The following AGAP1 variants were observed in gnomAD, a reference collection of about 807,000 sequenced individuals.
The protein encoded by AGAP1 is ArfGAP with GTPase domain, ankyrin repeat and PH domain 1, also known as arf-GAP with GTPase, ANK repeat and PH domain-containing protein 1.
AGAP1 carries 29 observed loss-of-function variants against 105.3 expected under a neutral mutation model. The observed-to-expected ratio is 0.28, with a 90% confidence interval of 0.21 to 0.38. The LOEUF is 0.38. Among genes scored for constraint, AGAP1 ranks in the 10% least tolerant of loss-of-function variants. The pLI is 1.00. For synonymous variants in AGAP1, 509 were observed against 485.9 expected (o/e 1.05, Z -0.63); for missense variants, 998 against 1,165.1 (o/e 0.86, Z 2.09).
chr2:235,567,021 G>T (rs1944368992), intron 1 of AGAP1, among the ~76,000 whole-genome samples: 1 of 152,142 alleles, frequency 6.6e-6, no homozygotes, highest in Non-Finnish European at 1.5e-5. Flanking sequence ...CCTCTTCCCG[G>T]CATGTGTCTT....
intron 8 of AGAP1, among the ~76,000 whole-genome samples, chr2:235,805,528 C>T (rs1575513738): frequency 6.6e-6 from 1 of 152,148 alleles, no homozygotes; most frequent in East Asian, 1.9e-4. Flanking sequence ...CCAAAGTACT[C>T]TTAAATATTT....
intron 1 of AGAP1, among the ~76,000 whole-genome samples, chr2:235,498,969 G>T (rs1488418047): frequency 1.3e-5 from 2 of 152,204 alleles, no homozygotes; most frequent in African/African-American, 2.4e-5. Context: ...ATGGGTCAGG[G>T]TTCCCCACTT....
At chr2:235,636,120 TA>T (rs1469334557) in intron 1 of AGAP1, among the ~76,000 whole-genome samples, 3 of 112,096 alleles carry the variant, frequency 2.7e-5, no homozygotes, top group Non-Finnish European at 5.9e-5. Context: ...TCTCAGTAAA[TA>T]AATAAATAAA....
At chr2:235,656,627 C>G (rs997563182) in intron 1 of AGAP1, among the ~76,000 whole-genome samples, 7 of 152,148 alleles carry the variant, frequency 4.6e-5, no homozygotes, top group Non-Finnish European at 1.0e-4. Context: ...CCTGTGCGGT[C>G]TAACCCTAGC....
At position 235,874,529 on chromosome 2, in the gene AGAP1, G is replaced by A. The variant is rs977482417; in HGVS notation, c.1051-8816G>A. Among the ~76,000 whole-genome samples, 2 of 152,214 alleles carry A rather than the reference G, an allele frequency of 1.3e-5. No homozygotes were observed. The highest frequency in any genetic ancestry group is 1.9e-4 in the East Asian group (1 of 5,182). On this transcript the variant is annotated intron_variant, in intron 9 of 17. Coordinates refer to ENST00000304032, the MANE Select transcript of AGAP1 (RefSeq NM_001037131.3). This position sits in a 1 kb window ranked among gnomAD's most constrained non-coding sequence, Gnocchi z 4.5. ...GTGCTTTCACCTAGGCAGAGCAACC[G>A]AAGTGCACTTTGCAGGGAGCTAAGA...
At chr2:236,094,291 T>C (rs946403832) in intron 16 of AGAP1, among the ~76,000 whole-genome samples, 20 of 139,504 alleles carry the variant, frequency 1.4e-4, no homozygotes, top group African/African-American at 5.2e-4. Flanking sequence ...TCTATATCTT[T>C]AAAAAAAAAA....
intron 16 of AGAP1, among the ~76,000 whole-genome samples, chr2:236,116,366 T>G (rs945701210): frequency 2.0e-4 from 30 of 150,532 alleles, no homozygotes; most frequent in African/African-American, 6.3e-4. Flanking sequence ...TCTTTTTTTT[T>G]TGAGAGAGAG....
intron 9 of AGAP1, among the ~76,000 whole-genome samples, chr2:235,812,490 G>T (rs1958203385): frequency 6.6e-6 from 1 of 152,194 alleles, no homozygotes; most frequent in South Asian, 2.1e-4. Flanking sequence ...CTGGTACCTG[G>T]GATCAACACG....
intron 12 of AGAP1, among the ~76,000 whole-genome samples, chr2:235,956,471 A>G (rs2053954703): frequency 6.6e-6 from 1 of 152,130 alleles, no homozygotes; most frequent in Non-Finnish European, 1.5e-5. Context: ...CATCCCTTCA[A>G]ACTGGATGAT....
At position 235,625,670 on chromosome 2, in the gene AGAP1, C is replaced by G. The variant is rs538720080; in HGVS notation, c.164-83509C>G. ...GATCTTTGTGCAACTTTTCTAAATACAGAGTTGGTTGTGACATATTCAGCT... is the reference window on the plus strand; with the variant it reads ...GATCTTTGTGCAACTTTTCTAAATAGAGAGTTGGTTGTGACATATTCAGCT... On this transcript the variant is annotated intron_variant, in intron 1 of 17. Transcript: ENST00000304032. This position sits in a 1 kb window ranked among gnomAD's most constrained non-coding sequence, Gnocchi z 4.0. Among the ~76,000 whole-genome samples, 1 of 152,166 alleles carries G rather than the reference C, an allele frequency of 6.6e-6. No homozygotes were observed. Among genetic ancestry groups the G allele is most frequent in the South Asian group, 2.1e-4 (1 of 4,820 alleles).
chr2:235,549,071 C>T lies in AGAP1; in HGVS notation c.163+54222C>T, dbSNP rs1574825966. Among the ~76,000 whole-genome samples the T allele has an allele frequency of 6.6e-6, 1 of 152,172 alleles. No homozygotes were observed. The highest frequency in any genetic ancestry group is 1.5e-5 in the Non-Finnish European group (1 of 68,034). On this transcript the variant is annotated intron_variant, in intron 1 of 17. Coordinates refer to ENST00000304032, the MANE Select transcript of AGAP1 (RefSeq NM_001037131.3). This position sits in a 1 kb window ranked among gnomAD's most constrained non-coding sequence, Gnocchi z 4.2. ...TTGTGCAGAAACTGGGACCTGCTCT[C>T]CTTGTAGAGACACAACCCCAGGGTA...
At chr2:235,695,762 C>G (rs1048321249) in intron 1 of AGAP1, among the ~76,000 whole-genome samples, 1 of 152,172 alleles carries the variant, frequency 6.6e-6, no homozygotes, top group South Asian at 2.1e-4. Context: ...ACAAAGAAAC[C>G]ATGCGTATTC....
Position 235,720,711 on chromosome 2 carries a change from G to A in AGAP1, c.310+3067G>A. 1 of 985,234 alleles carries A rather than the reference G, an allele frequency of 1.0e-6. No homozygotes were observed. The highest frequency in any genetic ancestry group is 1.2e-6 in the Non-Finnish European group (1 of 829,782). The allele number at this position is 985,234 out of a possible 1,614,324, so 61.0% of individuals were successfully genotyped here. A position where few individuals can be genotyped will look rare whatever the true frequency, so the allele number is the denominator to read the frequency against. ...GTGCCCTGTTCTTCTGATTTAATTA[G>A]TGCGTGAGTATCCTTTATGTCATAA... is the stretch of plus-strand genomic sequence containing the variant. On this transcript the variant is annotated intron_variant, in intron 3 of 17. Transcript: ENST00000304032. The surrounding 1 kb of genome is among the most constrained non-coding windows in gnomAD (Gnocchi z 5.0).
intron 9 of AGAP1, among the ~76,000 whole-genome samples, chr2:235,812,773 G>T (rs886632007): frequency 1.3e-5 from 2 of 152,228 alleles, no homozygotes; most frequent in Non-Finnish European, 2.9e-5. Flanking sequence ...TTTACAGGAG[G>T]ACGGCTCACG....
At position 235,635,582 on chromosome 2, in the gene AGAP1, G is replaced by A. The variant is rs1450493048; in HGVS notation, c.164-73597G>A. Reference sequence around the variant, plus strand: ...AAGACAGAAGAAAGAACGCACTTTGGTTTTCTTTTGGAAACCTAGAGCAAC... The same window carrying A: ...AAGACAGAAGAAAGAACGCACTTTGATTTTCTTTTGGAAACCTAGAGCAAC... On this transcript the variant is annotated intron_variant, in intron 1 of 17. Transcript: ENST00000304032. This position sits in a 1 kb window ranked among gnomAD's most constrained non-coding sequence, Gnocchi z 5.3. Among the ~76,000 whole-genome samples, 2 of 152,024 alleles carry A rather than the reference G, an allele frequency of 1.3e-5. No homozygotes were observed. The highest frequency in any genetic ancestry group is 2.9e-5 in the Non-Finnish European group (2 of 68,022).
In AGAP1 at chr2:235,645,744, G is replaced by A. The variant is rs551819975; in HGVS notation, c.164-63435G>A. ...GAGTGTCCAGGGGAAGGAGAAAACC[G>A]GCACAGAAACAACTAGCCAGTCTCT... On this transcript the variant is annotated intron_variant, in intron 1 of 17. Transcript: ENST00000304032. Among the ~76,000 whole-genome samples the A allele has an allele frequency of 3.0e-3, 463 of 152,236 alleles. 2 individuals carry two copies. Among genetic ancestry groups the A allele is most frequent in the Non-Finnish European group, 5.7e-3 (389 of 68,010 alleles).
rs1003208197 is a variant in AGAP1 at position 235,514,162 on chromosome 2, G to GCGCACACA, written c.163+19314_163+19315insGCACACAC. On this transcript the variant is annotated intron_variant, in intron 1 of 17. Transcript: ENST00000304032. ...TGCCAGTGCATGCGCGTGCGCGCGC[G>GCGCACACA]CACACACACACACACACACACATAC... 2.0e-3 allele frequency among the ~76,000 whole-genome samples: 307 copies of GCGCACACA among 150,618 alleles called. 1 individual carries two copies. The highest frequency in any genetic ancestry group is 7.1e-3 in the African/African-American group (291 of 41,262).
At position 235,584,193 on chromosome 2, in the gene AGAP1, CT is replaced by C. The variant is rs11447483; in HGVS notation, c.163+89360del. Among the ~76,000 whole-genome samples the C allele has an allele frequency of 5.1e-3, 707 of 139,918 alleles. 15 individuals are homozygous for C. The highest frequency in any genetic ancestry group is 0.014 in the African/African-American group (513 of 37,492). 91.8% of individuals were successfully genotyped at this position (139,918 alleles called of 152,430 possible). A position where few individuals can be genotyped will look rare whatever the true frequency, so the allele number is the denominator to read the frequency against. ...TTGAAGCATGACCCTCAATAAACCACTTTTTTTTTTTTTTTTGCATGGAAAT... is the reference window on the plus strand; with the variant it reads ...TTGAAGCATGACCCTCAATAAACCACTTTTTTTTTTTTTTTGCATGGAAAT... On this transcript the variant is annotated intron_variant, in intron 1 of 17. Coordinates refer to ENST00000304032, the MANE Select transcript of AGAP1 (RefSeq NM_001037131.3).
At chr2:236,102,227 C>A (rs546981202) in intron 16 of AGAP1, among the ~76,000 whole-genome samples, 61 of 152,078 alleles carry the variant, frequency 4.0e-4, no homozygotes, top group African/African-American at 1.3e-3. Flanking sequence ...ACCATCCTGG[C>A]TAACACGGTG....
Sources: gnomAD v4.1 joint callset for allele counts (sites outside exome capture counted in the v4.1 genomes callset) on GRCh38, gnomAD v4.1.1 for gene constraint, Gnocchi (gnomAD v3.1) non-coding constraint, MANE v1.5 for transcripts, NCBI Gene and HGNC (gene_info 2026-07-23, HGNC 2026-07-21) for gene names.